Variants in ENOX1 observed in about 807,000 individuals in gnomAD.
ENOX1 encodes the protein ecto-NOX disulfide-thiol exchanger 1, also known as candidate growth-related and time keeping constitutive hydroquinone (NADH) oxidase.
In ENOX1, 42 loss-of-function variants were observed where a neutral mutation model predicts 82.5. The observed-to-expected ratio is 0.51, with a 90% CI of 0.40 to 0.66. ENOX1 has a LOEUF of 0.66. Among genes scored for constraint, ENOX1 ranks in the 30% least tolerant of loss-of-function variants. ENOX1 has a pLI of 0.00. For synonymous variants in ENOX1, 271 were observed against 282.2 expected (o/e 0.96, Z 0.40); for missense variants, 608 against 811.6 (o/e 0.75, Z 3.05).
intron 2 of ENOX1, among the ~76,000 whole-genome samples, chr13:43,657,527 A>C (rs2084499678): frequency 6.6e-6 from 1 of 152,224 alleles, no homozygotes; most frequent in Admixed American, 6.5e-5. Context: ...GAGGCACTAG[A>C]AACATCCATG....
chr13:43,551,383 C>T (rs995298350), intron 2 of ENOX1, among the ~76,000 whole-genome samples: 2 of 151,642 alleles, frequency 1.3e-5, no homozygotes, highest in East Asian at 1.9e-4. Flanking sequence ...AATTTGATCA[C>T]GATGTATTAT....
intron 1 of ENOX1, among the ~76,000 whole-genome samples, chr13:43,669,928 C>G (rs2085174685): frequency 6.6e-6 from 1 of 152,152 alleles, no homozygotes; most frequent in Admixed American, 6.6e-5. Flanking sequence ...GTAAAACATA[C>G]TAGACCAAAG....
chr13:43,595,110 G>A (rs984137923), intron 2 of ENOX1, among the ~76,000 whole-genome samples: 1 of 149,622 alleles, frequency 6.7e-6, no homozygotes. Flanking sequence ...GCTAGGGAGA[G>A]ATGGTGCCTT....
chr13:43,694,215 T>C (rs896115004), intron 1 of ENOX1, among the ~76,000 whole-genome samples: 2 of 55,860 alleles, frequency 3.6e-5, no homozygotes, highest in Non-Finnish European at 6.7e-5. Context: ...ATCATGGAAA[T>C]TAAACTTAGG....
At chr13:43,349,734 T>C (rs760883853) in intron 8 of ENOX1, among the ~76,000 whole-genome samples, 1 of 152,176 alleles carries the variant, frequency 6.6e-6, no homozygotes, top group Non-Finnish European at 1.5e-5. Context: ...AAGGACTCAG[T>C]GAAGGCCAGG....
At chr13:43,421,343 C>T (rs1020000933) in intron 3 of ENOX1, among the ~76,000 whole-genome samples, 3 of 152,102 alleles carry the variant, frequency 2.0e-5, no homozygotes, top group Non-Finnish European at 4.4e-5. Context: ...CCTCAAATGA[C>T]GATGGTTTAA....
chr13:43,730,106 G>C (rs914744584), intron 1 of ENOX1, among the ~76,000 whole-genome samples: 8 of 152,190 alleles, frequency 5.3e-5, no homozygotes, highest in African/African-American at 1.7e-4. Context: ...TGGGGGATAG[G>C]AGCAATCTCT....
chr13:43,371,348 G>T (rs2051230807), intron 5 of ENOX1, among the ~76,000 whole-genome samples: 1 of 152,202 alleles, frequency 6.6e-6, no homozygotes, highest in African/African-American at 2.4e-5. Context: ...CCAAATATAT[G>T]TTGAAAGACT....
At chr13:43,540,510 A>G (rs537122449) in intron 2 of ENOX1, among the ~76,000 whole-genome samples, 1 of 152,284 alleles carries the variant, frequency 6.6e-6, no homozygotes, top group African/African-American at 2.4e-5. Flanking sequence ...TTTTAAAAGA[A>G]AGAGGGCTCA....
At position 43,786,807 on chromosome 13, in the gene ENOX1, C is replaced by A; in HGVS notation, c.-440G>T. Reference sequence around the variant, plus strand: ...CTGGGAGACGCGGCCGGGCTGCAGTCGCCGTTCCCTCTGCTGCCGCCGCCG... The same window carrying A: ...CTGGGAGACGCGGCCGGGCTGCAGTAGCCGTTCCCTCTGCTGCCGCCGCCG... On this transcript the variant is annotated 5_prime_UTR_variant, in exon 1 of 17. Coordinates refer to ENST00000690772, the MANE Select transcript of ENOX1 (RefSeq NM_001347969.2). The surrounding 1 kb of genome is among the most constrained non-coding windows in gnomAD (Gnocchi z 6.0). 1 of 149,628 alleles carries A rather than the reference C, an allele frequency of 6.7e-6. No individual in the cohort carries two copies. Among genetic ancestry groups the A allele is most frequent in the South Asian group, 2.0e-4 (1 of 4,968 alleles). The allele number at this position is 149,628 out of a possible 1,614,324, so 9.3% of individuals were successfully genotyped here. A position where few individuals can be genotyped will look rare whatever the true frequency, so the allele number is the denominator to read the frequency against.
At chr13:43,349,683 G>C (rs1466766672) in intron 8 of ENOX1, among the ~76,000 whole-genome samples, 2 of 152,238 alleles carry the variant, frequency 1.3e-5, no homozygotes, top group East Asian at 1.9e-4. Context: ...TTTTACTCCA[G>C]GTGATTTGTA....
At chr13:43,364,843 G>A (rs2050747775) in intron 5 of ENOX1, among the ~76,000 whole-genome samples, 2 of 152,196 alleles carry the variant, frequency 1.3e-5, no homozygotes, top group Non-Finnish European at 2.9e-5. Context: ...CACATGAGCT[G>A]AGGCTCAGAG....
At chr13:43,731,897 G>A (rs2089369269) in intron 1 of ENOX1, among the ~76,000 whole-genome samples, 2 of 152,174 alleles carry the variant, frequency 1.3e-5, no homozygotes, top group Admixed American at 6.5e-5. Context: ...AGAAAAGAAA[G>A]GAGCTTGCCC....
chr13:43,580,307 C>T (rs571610702), intron 2 of ENOX1, among the ~76,000 whole-genome samples: 1 of 152,328 alleles, frequency 6.6e-6, no homozygotes, highest in South Asian at 2.1e-4. Flanking sequence ...TTAGTTGACA[C>T]TCAGCCATTT....
At chr13:43,591,527 T>G (rs1291403522) in intron 2 of ENOX1, among the ~76,000 whole-genome samples, 1 of 152,058 alleles carries the variant, frequency 6.6e-6, no homozygotes, top group East Asian at 1.9e-4. Flanking sequence ...GGCAGCAAAC[T>G]GGAGAAAAGT....
chr13:43,723,705 C>T (rs959183602), intron 1 of ENOX1, among the ~76,000 whole-genome samples: 1 of 152,076 alleles, frequency 6.6e-6, no homozygotes, highest in African/African-American at 2.4e-5. Flanking sequence ...AAGACACTTT[C>T]TGTCCAGGTG....
At chr13:43,370,183 C>A (rs144230534) in intron 5 of ENOX1, among the ~76,000 whole-genome samples, 1 of 152,090 alleles carries the variant, frequency 6.6e-6, no homozygotes, top group Non-Finnish European at 1.5e-5. Flanking sequence ...CTGGCTAACA[C>A]GGTGAAACCC....
At chr13:43,351,412 T>TTTTA (rs150546063) in intron 8 of ENOX1, among the ~76,000 whole-genome samples, 134 of 149,446 alleles carry the variant, frequency 9.0e-4, no homozygotes, top group African/African-American at 2.7e-3. Context: ...TATTTATTTA[T>TTTTA]TTTATTTATT....
At chr13:43,756,972 C>CAAAAAAAAAAAAAA (rs1164153402) in intron 1 of ENOX1, among the ~76,000 whole-genome samples, 4 of 28,060 alleles carry the variant, frequency 1.4e-4, no homozygotes, top group Non-Finnish European at 3.3e-4. Context: ...AAAACAACAA[C>CAAAAAAAAAAAAAA]AAAAAAAAAA....
Sources: gnomAD v4.1 joint callset for allele counts (sites outside exome capture counted in the v4.1 genomes callset) on GRCh38, gnomAD v4.1.1 for gene constraint, Gnocchi (gnomAD v3.1) non-coding constraint, MANE v1.5 for transcripts, NCBI Gene and HGNC (gene_info 2026-07-23, HGNC 2026-07-21) for gene names.